The following TMEM117 variants were observed in gnomAD, a reference collection of about 807,000 sequenced individuals.
TMEM117 encodes the protein transmembrane protein 117.
TMEM117 carries 27 observed loss-of-function variants against 52.4 expected under a neutral mutation model. The ratio of observed to expected loss-of-function variants is 0.51; its 90% confidence interval spans 0.38 to 0.71. TMEM117 has a LOEUF of 0.71. Among genes scored for constraint, TMEM117 ranks in the 30% least tolerant of loss-of-function variants. The probability of loss-of-function intolerance (pLI) is 0.00; values close to 1 mark genes in which losing one functional copy is unlikely to be tolerated. For missense variants in TMEM117, 556 were observed against 630.5 expected (o/e 0.88, Z 1.26); for synonymous variants, 215 against 206.3 (o/e 1.04, Z -0.36).
intron 3 of TMEM117, chr12:44,010,352 A>G: frequency 2.4e-6 from 1 of 410,814 alleles, no homozygotes; most frequent in Non-Finnish European, 4.9e-6. Flanking sequence ...TGCTCTGGGT[A>G]TTGAAGCTCT....
chr12:44,074,202 A>G (rs560595510), intron 3 of TMEM117, among the ~76,000 whole-genome samples: 47 of 152,346 alleles, frequency 3.1e-4, no homozygotes, highest in Admixed American at 5.2e-4. Flanking sequence ...CAGTTGCATT[A>G]TAGTCAAGGT....
intron 3 of TMEM117, among the ~76,000 whole-genome samples, chr12:44,136,647 A>G (rs1199586012): frequency 1.3e-5 from 2 of 152,148 alleles, no homozygotes; most frequent in South Asian, 2.1e-4. Flanking sequence ...GGTGCACTAA[A>G]TCATGTATTG....
At position 43,844,799 on chromosome 12, in the gene TMEM117, T is replaced by C. The variant is rs1397620499; in HGVS notation, c.148T>C (p.Cys50Arg). The C allele has an allele frequency of 3.1e-6, 5 of 1,614,106 alleles. No homozygotes were observed. The highest frequency in any genetic ancestry group is 1.1e-5 in the South Asian group (1 of 91,086). ...AGCCAATGTTATTGTTGTTGGAAAC[T>C]GTTTTTCATTTGTTACAAATAAATA... ...TEANVIVVGN[C>R]FSFVTNKYPR... Residue 50 changes from cysteine (C) to arginine (R), a missense_variant, in exon 2 of 8, where the codon TGT (cysteine) becomes CGT (arginine). This residue lies in a region of TMEM117 where 328 missense variants were observed against 371.4 expected (regional missense o/e 0.88). Coordinates refer to ENST00000266534, the MANE Select transcript of TMEM117 (RefSeq NM_032256.3).
intron 3 of TMEM117, among the ~76,000 whole-genome samples, chr12:44,065,017 AAAT>A (rs1947200744): frequency 6.6e-6 from 1 of 152,260 alleles, no homozygotes; most frequent in Non-Finnish European, 1.5e-5. Flanking sequence ...CATAAAATAA[AAAT>A]ACAATAGCCC....
chr12:44,012,924 A>T (rs1946316664), intron 3 of TMEM117, among the ~76,000 whole-genome samples: 5 of 152,064 alleles, frequency 3.3e-5, no homozygotes, highest in Non-Finnish European at 7.4e-5. Context: ...AGTGCACTAA[A>T]TAGGCCTTCA....
chr12:44,143,399 T>A, intron 3 of TMEM117, 126 bp from the exon 4 acceptor site: 1 of 589,358 alleles, frequency 1.7e-6, no homozygotes, highest in East Asian at 3.0e-5. Flanking sequence ...TAAGCATATG[T>A]GATGGGACAA....
chr12:44,164,955 A>G (rs577047376), intron 4 of TMEM117, among the ~76,000 whole-genome samples: 6 of 152,160 alleles, frequency 3.9e-5, no homozygotes, highest in Non-Finnish European at 8.8e-5. Flanking sequence ...GGCTATTTTG[A>G]AATATACAAT....
At chr12:44,014,700 C>G (rs1210202196) in intron 3 of TMEM117, among the ~76,000 whole-genome samples, 2 of 152,202 alleles carry the variant, frequency 1.3e-5, no homozygotes, top group Admixed American at 6.5e-5. Context: ...AAAATGAACA[C>G]TGGTATCTCC....
At chr12:44,087,971 T>C (rs1238705156) in intron 3 of TMEM117, among the ~76,000 whole-genome samples, 1 of 152,196 alleles carries the variant, frequency 6.6e-6, no homozygotes, top group Non-Finnish European at 1.5e-5. Flanking sequence ...TTAAAATTTA[T>C]TGAGCACCCC....
intron 4 of TMEM117, among the ~76,000 whole-genome samples, chr12:44,152,781 G>A (rs1948769881): frequency 7.5e-6 from 1 of 132,714 alleles, no homozygotes; most frequent in Non-Finnish European, 1.6e-5. Flanking sequence ...ATATAAATAT[G>A]GTGTCACATA....
intron 2 of TMEM117, among the ~76,000 whole-genome samples, chr12:43,895,128 G>A (rs557711234): frequency 6.6e-6 from 1 of 152,042 alleles, no homozygotes; most frequent in Non-Finnish European, 1.5e-5. Context: ...TATTTTTCCT[G>A]ATTCTCTTCC....
intron 3 of TMEM117, among the ~76,000 whole-genome samples, chr12:44,096,093 C>T (rs932070144): frequency 1.1e-4 from 16 of 151,790 alleles, no homozygotes; most frequent in East Asian, 5.8e-4. Flanking sequence ...AGCCAAATCA[C>T]GAGTGAACTC....
intron 4 of TMEM117, among the ~76,000 whole-genome samples, chr12:44,172,032 G>GGGA (rs1312844503): frequency 2.0e-5 from 3 of 152,192 alleles, no homozygotes; most frequent in Admixed American, 1.3e-4. Context: ...AGCAGTGCTT[G>GGGA]GGAGATGAAG....
rs565771190 is a variant in TMEM117 at position 44,273,964 on chromosome 12, G to A, written c.609-25616G>A. Among the ~76,000 whole-genome samples the A allele has an allele frequency of 6.6e-5, 10 of 151,950 alleles. No homozygotes were observed. In the South Asian group the frequency reaches 1.7e-3, roughly 25 times the overall value. On this transcript the variant is annotated intron_variant, in intron 5 of 7. Transcript: ENST00000266534. ...TTGGTCAACATAGTACTGGAAGTCC[G>A]AGAAATCAGACAAGAAAGAAATAAA...
chr12:44,152,788 CATAA>C (rs905408186), intron 4 of TMEM117, among the ~76,000 whole-genome samples: 9 of 136,176 alleles, frequency 6.6e-5, no homozygotes, highest in African/African-American at 1.6e-4. Context: ...TATGGTGTCA[CATAA>C]ATATATATAC....
chr12:44,097,512 A>G (rs1947787692), intron 3 of TMEM117, among the ~76,000 whole-genome samples: 1 of 152,054 alleles, frequency 6.6e-6, no homozygotes, highest in Non-Finnish European at 1.5e-5. Flanking sequence ...TGGCACATAT[A>G]CACCATGGAA....
At chr12:44,212,819 G>T (rs564301753) in intron 5 of TMEM117, among the ~76,000 whole-genome samples, 1,743 of 151,854 alleles carry the variant, frequency 0.011, 22 homozygotes, top group South Asian at 0.052. Flanking sequence ...TAATGCAAAA[G>T]CTTCAAAAAT....
At chr12:44,141,049 A>G (rs979919931) in intron 3 of TMEM117, among the ~76,000 whole-genome samples, 3 of 151,996 alleles carry the variant, frequency 2.0e-5, no homozygotes, top group African/African-American at 7.2e-5. Flanking sequence ...AGTTCTCTCT[A>G]ATCTGGTATC....
the TMEM117 span, among the ~76,000 whole-genome samples, chr12:43,828,021 T>G: frequency 2.6e-5 from 4 of 152,302 alleles, no homozygotes; most frequent in African/African-American, 9.6e-5. Flanking sequence ...GATTCTCTTC[T>G]AGAACCTTCA....
Sources: allele counts gnomAD v4.1 joint callset (sites outside exome capture counted in the v4.1 genomes callset), GRCh38; gene constraint gnomAD v4.1.1; regional missense constraint gnomAD v4.1.1; transcripts MANE v1.5; gene names NCBI Gene and HGNC (gene_info 2026-07-23, HGNC 2026-07-21).